The following PAX5 variants were observed in gnomAD, a reference collection of about 807,000 sequenced individuals.
PAX5 encodes the protein paired box 5.
A neutral mutation model predicts 43.7 loss-of-function variants in PAX5; 9 were observed. The ratio of observed to expected loss-of-function variants is 0.21; its 90% CI spans 0.12 to 0.36. The LOEUF (loss-of-function observed/expected upper bound fraction) is 0.36. Ranked by LOEUF, PAX5 falls within the 10% of genes least tolerant of loss-of-function variation. The pLI is 1.00. For synonymous variants in PAX5, 228 were observed against 214.3 expected (o/e 1.06, Z -0.56); for missense variants, 383 against 532.7 (o/e 0.72, Z 2.77).
intron 3 of PAX5, 108 bp downstream of exon 3, chr9:37,014,889 G>C: frequency 1.0e-6 from 1 of 999,228 alleles, no homozygotes; most frequent in Non-Finnish European, 1.5e-6. Context: ...CCCCTAAGGG[G>C]CCTTGGTGAA....
At chr9:37,001,346 G>A (rs1837835385) in intron 5 of PAX5, among the ~76,000 whole-genome samples, 1 of 152,038 alleles carries the variant, frequency 6.6e-6, no homozygotes, top group Non-Finnish European at 1.5e-5. Context: ...ATACATCCAG[G>A]CCCCAGCTTA....
intron 8 of PAX5, among the ~76,000 whole-genome samples, chr9:36,868,605 G>A (rs1363736735): frequency 6.6e-6 from 1 of 152,142 alleles, no homozygotes; most frequent in African/African-American, 2.4e-5. Flanking sequence ...CATCCCAGCA[G>A]GAAGAGCTCT....
At chr9:36,907,802 C>A (rs1828945147) in intron 7 of PAX5, among the ~76,000 whole-genome samples, 1 of 152,166 alleles carries the variant, frequency 6.6e-6, no homozygotes, top group South Asian at 2.1e-4. Flanking sequence ...TGGAAGAACA[C>A]ATACCAAATC....
intron 3 of PAX5, among the ~76,000 whole-genome samples, chr9:37,011,074 T>C (rs1353439883): frequency 1.3e-5 from 2 of 150,972 alleles, no homozygotes; most frequent in Non-Finnish European, 2.9e-5. Context: ...TGAACCATGA[T>C]TGTGCCTCTG....
intron 7 of PAX5, among the ~76,000 whole-genome samples, chr9:36,918,839 T>C (rs1013977251): frequency 2.6e-5 from 4 of 152,190 alleles, no homozygotes; most frequent in Non-Finnish European, 4.4e-5. Flanking sequence ...AAAGAAGCCA[T>C]CTCCATAACA....
At position 37,015,104 on chromosome 9, in the gene PAX5, T is replaced by G; in HGVS notation, c.303A>C (p.Glu101Asp). ...ATPKVVEKIA[E>D]YKRQNPTMFA... is the part of the protein sequence containing the mutation. The stretch of plus-strand genomic sequence containing the variant: ...ACATGGTGGGATTTTGGCGTTTATA[T>G]TCAGCGATTTTTTCCACCACTTTGG... The change falls in exon 3 of 10, where the codon GAA becomes GAC. Residue 101 changes from glutamate (E) to aspartate (D), a missense_variant. Physicochemically the swap from Glu to Asp is conservative, Grantham distance 45 (BLOSUM62 2). Coordinates refer to ENST00000358127, the MANE Select transcript of PAX5 (RefSeq NM_016734.3). The surrounding 1 kb of genome is among the most constrained non-coding windows in gnomAD (Gnocchi z 4.4). 1 of 1,614,216 alleles carries G rather than the reference T, an allele frequency of 6.2e-7. No homozygotes were observed. The highest frequency in any genetic ancestry group is 8.5e-7 in the Non-Finnish European group (1 of 1,180,030).
At chr9:36,970,873 C>T (rs1312335229) in intron 5 of PAX5, among the ~76,000 whole-genome samples, 1 of 152,192 alleles carries the variant, frequency 6.6e-6, no homozygotes, top group Non-Finnish European at 1.5e-5. Flanking sequence ...CTGGGCCCTT[C>T]ACTCCCACAC....
rs548590194 is a variant in PAX5 at position 36,994,003 on chromosome 9, C to T, written c.604+8645G>A. Among the ~76,000 whole-genome samples, 15 of 152,252 alleles carry T rather than the reference C, an allele frequency of 9.9e-5. No individual in the cohort carries two copies. The South Asian group carries it at 2.7e-3, about 27-fold the overall frequency. On this transcript the variant is annotated intron_variant, in intron 5 of 9. Transcript: ENST00000358127. ...AACAGAGAGGGTGGGGGTTCAGCGG[C>T]GTTGGCTCTCACGGGGGCTCTCGCT...
intron 5 of PAX5, among the ~76,000 whole-genome samples, chr9:36,976,044 A>T (rs1449689177): frequency 6.6e-6 from 1 of 152,182 alleles, no homozygotes; most frequent in African/African-American, 2.4e-5. Flanking sequence ...AGAACTCAGG[A>T]GTGGCTTCTA....
chr9:36,864,073 C>T (rs921935937), intron 8 of PAX5, among the ~76,000 whole-genome samples: 13 of 152,258 alleles, frequency 8.5e-5, no homozygotes, highest in African/African-American at 3.1e-4. Context: ...TGCACCGCTA[C>T]ATTCCAGCCT....
At chr9:36,903,580 A>T (rs948352212) in intron 7 of PAX5, among the ~76,000 whole-genome samples, 5 of 152,224 alleles carry the variant, frequency 3.3e-5, no homozygotes, top group Non-Finnish European at 7.3e-5. Context: ...GGCCTGGCCC[A>T]GGCAGGAACA....
chr9:36,921,834 G>A (rs528822738), intron 7 of PAX5, among the ~76,000 whole-genome samples: 4 of 152,248 alleles, frequency 2.6e-5, no homozygotes, highest in Non-Finnish European at 5.9e-5. Context: ...GCAAGCCACC[G>A]CCCCTCCCTG....
At chr9:36,879,393 C>T (rs1826201978) in intron 8 of PAX5, among the ~76,000 whole-genome samples, 1 of 152,224 alleles carries the variant, frequency 6.6e-6, no homozygotes, top group African/African-American at 2.4e-5. Context: ...CAGTGGGGGG[C>T]TGAGAGGACC....
chr9:37,004,254 A>G (rs896900602), intron 4 of PAX5, among the ~76,000 whole-genome samples: 1 of 152,234 alleles, frequency 6.6e-6, no homozygotes, highest in Non-Finnish European at 1.5e-5. Context: ...GTTTCACATT[A>G]ACTTCTGGCC....
chr9:37,026,296 G>C (rs1224184778), intron 1 of PAX5, among the ~76,000 whole-genome samples: 1 of 152,262 alleles, frequency 6.6e-6, no homozygotes, highest in Non-Finnish European at 1.5e-5. Flanking sequence ...GCCTTGAAAG[G>C]CTGCAGCTCG....
At chr9:36,950,883 G>A (rs1387568043) in intron 6 of PAX5, among the ~76,000 whole-genome samples, 1 of 151,986 alleles carries the variant, frequency 6.6e-6, no homozygotes, top group Non-Finnish European at 1.5e-5. Context: ...TGGGATTACA[G>A]GCACACACCA....
intron 7 of PAX5, among the ~76,000 whole-genome samples, chr9:36,888,840 G>A (rs1458592978): frequency 1.3e-5 from 2 of 152,188 alleles, no homozygotes; most frequent in Non-Finnish European, 2.9e-5. Flanking sequence ...CTTTCACACA[G>A]GCTCCCCCGT....
rs529936287 is a variant in PAX5, at chr9:36,833,775, A to ATT, written c.*6783_*6784dup. ...AAAACATACACATTTTTTAAGAAGC[A>ATT]TTTTTTTTTTTCAATCCGTTGGAGA... On this transcript the variant is annotated 3_prime_UTR_variant, in exon 10 of 10. Coordinates refer to ENST00000358127, the MANE Select transcript of PAX5 (RefSeq NM_016734.3). 7,863 of 205,754 alleles carry ATT rather than the reference A, an allele frequency of 0.038. 125 individuals are homozygous for ATT. Among genetic ancestry groups the ATT allele is most frequent in the African/African-American group, 0.061 (2,608 of 42,934 alleles). The allele number at this position is 205,754 out of a possible 1,614,324, so 12.7% of individuals were successfully genotyped here. A position where few individuals can be genotyped will look rare whatever the true frequency, so the allele number is the denominator to read the frequency against.
At chr9:36,897,711 C>T (rs547182128) in intron 7 of PAX5, among the ~76,000 whole-genome samples, 21 of 152,330 alleles carry the variant, frequency 1.4e-4, no homozygotes, top group Admixed American at 1.3e-3. Context: ...CTTTCCTGCC[C>T]TTCCCTCTGT....
Sources: allele counts gnomAD v4.1 joint callset (sites outside exome capture counted in the v4.1 genomes callset), GRCh38; gene constraint gnomAD v4.1.1; non-coding constraint Gnocchi (gnomAD v3.1); transcripts MANE v1.5; gene names NCBI Gene and HGNC (gene_info 2026-07-23, HGNC 2026-07-21).